SLC38A11: variants seen among roughly 807,000 people sequenced by gnomAD.
SLC38A11 encodes putative sodium-coupled neutral amino acid transporter 11.
A neutral mutation model predicts 49.4 loss-of-function variants in SLC38A11; 51 were observed. That is an observed-to-expected ratio of 1.03 (90% confidence interval 0.83 to 1.30). The LOEUF (loss-of-function observed/expected upper bound fraction) is 1.30. Ranked by LOEUF, SLC38A11 falls within the 50% of genes most tolerant of loss-of-function variation. The pLI is 0.00. For synonymous variants in SLC38A11, 203 were observed against 192.9 expected (o/e 1.05, Z -0.43); for missense variants, 574 against 556.2 (o/e 1.03, Z -0.32).
chr2:164,914,903 G>A (rs1222895264), intron 9 of SLC38A11, among the ~76,000 whole-genome samples: 2 of 151,968 alleles, frequency 1.3e-5, no homozygotes, highest in African/African-American at 4.8e-5. Context: ...TGTGGAAGGA[G>A]AGAGTATGGG....
In SLC38A11 at chr2:164,939,551, G is replaced by T; in HGVS notation, c.436C>A (p.Pro146Thr). The T allele has an allele frequency of 6.2e-7, 1 of 1,601,316 alleles. No individual in the cohort carries two copies. Among genetic ancestry groups the T allele is most frequent in the Non-Finnish European group, 8.5e-7 (1 of 1,170,082 alleles). Residue 146 changes from proline (P) to threonine (T), a missense_variant, in exon 6 of 12, where the codon CCT becomes ACT. By Grantham distance (38) the Pro-to-Thr change is conservative (BLOSUM62 -1). Transcript: ENST00000685975. ...TGGCGACCAATAAACACGTTTTCAGGATCAACTAAAACACAATAAATATTA... is the reference window on the plus strand; with the variant it reads ...TGGCGACCAATAAACACGTTTTCAGTATCAACTAAAACACAATAAATATTA... ...KVFQRIPGVD[P>T]ENVFIGRHFI...
At position 164,898,072 on chromosome 2, in the gene SLC38A11, C is replaced by CT. The variant is rs1299695846; in HGVS notation, c.*364_*365insA. ...GAAAATGCCCACCCCCCACACCCCC[C>CT]CACCAAAAGACATCTACACAAAATT... On this transcript the variant is annotated 3_prime_UTR_variant, in exon 12 of 12. Transcript: ENST00000685975. 6.6e-6 allele frequency: 1 copy of CT among 151,246 alleles called. No individual in the cohort carries two copies. The highest frequency in any genetic ancestry group is 2.0e-4 in the East Asian group (1 of 4,990). The allele number at this position is 151,246 out of a possible 1,614,324, so 9.4% of individuals were successfully genotyped here.
At chr2:164,923,010 C>T (rs1282069726) in intron 7 of SLC38A11, among the ~76,000 whole-genome samples, 1 of 152,316 alleles carries the variant, frequency 6.6e-6, no homozygotes, top group Non-Finnish European at 1.5e-5. Context: ...GCTGAGATAA[C>T]TGGCTAACCA....
chr2:164,945,502 T>C, intron 4 of SLC38A11, 91 bp downstream of exon 4: 1 of 1,222,104 alleles, frequency 8.2e-7, no homozygotes, highest in Non-Finnish European at 1.1e-6. Context: ...GCTATAGTGA[T>C]ATTCTTTAAT....
At position 164,946,929 on chromosome 2, in the gene SLC38A11, C is replaced by T. The variant is rs189354247; in HGVS notation, c.230-1202G>A. On this transcript the variant is annotated intron_variant, in intron 3 of 11. Coordinates refer to ENST00000685975, the MANE Select transcript of SLC38A11 (RefSeq NM_001351537.2). ...GATACTTCCTAGATCTTACTCTTAT[C>T]TGCTCTTTCGGAACACTGTTTCTCG... Among the ~76,000 whole-genome samples the T allele has an allele frequency of 3.1e-3, 473 of 152,174 alleles. 1 individual carries two copies. The highest frequency in any genetic ancestry group is 0.011 in the African/African-American group (448 of 41,506).
intron 10 of SLC38A11, among the ~76,000 whole-genome samples, chr2:164,911,058 T>G (rs1559092921): frequency 6.6e-6 from 1 of 151,924 alleles, no homozygotes; most frequent in Non-Finnish European, 1.5e-5. Flanking sequence ...TATGTATAGT[T>G]GTAAATATAC....
intron 10 of SLC38A11, among the ~76,000 whole-genome samples, 154 bp downstream of exon 10, chr2:164,911,482 T>G (rs1225829333): frequency 1.3e-5 from 2 of 152,072 alleles, no homozygotes; most frequent in African/African-American, 2.4e-5. Flanking sequence ...ATCTTTAAAC[T>G]CTGACATTTT....
At chr2:164,920,187 T>A (rs1454285918) in intron 7 of SLC38A11, among the ~76,000 whole-genome samples, 1 of 149,814 alleles carries the variant, frequency 6.7e-6, no homozygotes, top group Non-Finnish European at 1.5e-5. Flanking sequence ...GGCAGGAGAA[T>A]CACTTGAACC....
intron 7 of SLC38A11, among the ~76,000 whole-genome samples, chr2:164,935,880 C>G (rs1488564803): frequency 2.0e-5 from 3 of 151,880 alleles, no homozygotes; most frequent in Admixed American, 2.0e-4. Context: ...GGACTGGAGC[C>G]CTTATAAGAA....
intron 9 of SLC38A11, among the ~76,000 whole-genome samples, chr2:164,913,222 A>G (rs1245842242): frequency 6.6e-6 from 1 of 151,950 alleles, no homozygotes; most frequent in Admixed American, 6.6e-5. Context: ...CCTTTTGGGC[A>G]GGAGGGGATT....
intron 11 of SLC38A11, among the ~76,000 whole-genome samples, chr2:164,900,920 A>T (rs1197304199): frequency 1.3e-5 from 2 of 151,998 alleles, no homozygotes; most frequent in Non-Finnish European, 2.9e-5. Context: ...CTCTTCTAGG[A>T]ATTTTACAGT....
chr2:164,944,427 G>A (rs925793989), intron 5 of SLC38A11, 142 bp downstream of exon 5: 2 of 358,404 alleles, frequency 5.6e-6, no homozygotes, highest in Admixed American at 9.4e-5. Flanking sequence ...GATCAGAATG[G>A]ATCATGGATA....
chr2:164,938,002 C>T (rs964510352), intron 6 of SLC38A11, among the ~76,000 whole-genome samples: 1 of 151,840 alleles, frequency 6.6e-6, no homozygotes, highest in African/African-American at 2.4e-5. Context: ...CCTCTCTGTT[C>T]TGTCATTATA....
intron 11 of SLC38A11, among the ~76,000 whole-genome samples, chr2:164,902,989 A>G (rs539845841): frequency 9.9e-5 from 15 of 152,196 alleles, no homozygotes; most frequent in Non-Finnish European, 1.3e-4. Context: ...AAAATAAAAG[A>G]TTAGTTGTCA....
intron 7 of SLC38A11, among the ~76,000 whole-genome samples, chr2:164,923,220 A>T (rs1686335015): frequency 6.6e-6 from 1 of 152,222 alleles, no homozygotes; most frequent in Non-Finnish European, 1.5e-5. Context: ...AAAGACTGAC[A>T]AGTGGGACCT....
intron 7 of SLC38A11, among the ~76,000 whole-genome samples, chr2:164,930,135 T>A (rs566202343): frequency 6.6e-6 from 1 of 151,942 alleles, no homozygotes; most frequent in Admixed American, 6.6e-5. Flanking sequence ...TCCATGCACA[T>A]AAACTAGAAA....
rs1335447608 is a variant in SLC38A11 at position 164,934,286 on chromosome 2, A to C, written c.617+3064T>G. Among the ~76,000 whole-genome samples, 3 of 152,308 alleles carry C rather than the reference A, an allele frequency of 2.0e-5. No individual in the cohort carries two copies. In the East Asian group the frequency reaches 5.8e-4, roughly 29 times the overall value. ...ACTGAAAGAAACAAGCGGAGAATGC[A>C]TCATGAAAAATGATCACAAAACAGT... On this transcript the variant is annotated intron_variant, in intron 7 of 11. Transcript: ENST00000685975.
intron 8 of SLC38A11, 192 bp from the exon 9 acceptor site, chr2:164,915,465 G>T: frequency 1.9e-6 from 1 of 527,572 alleles, no homozygotes; most frequent in Non-Finnish European, 3.2e-6. Flanking sequence ...TCAGGCTTAT[G>T]TGGTCTTTTC....
At chr2:164,948,545 T>A (rs10205696) in intron 3 of SLC38A11, among the ~76,000 whole-genome samples, 1 of 152,024 alleles carries the variant, frequency 6.6e-6, no homozygotes, top group Non-Finnish European at 1.5e-5. Context: ...TCAGAATCCA[T>A]GAGCTTAATT....
Sources: allele counts gnomAD v4.1 joint callset (sites outside exome capture counted in the v4.1 genomes callset), GRCh38; gene constraint gnomAD v4.1.1; transcripts MANE v1.5; gene names NCBI Gene and HGNC (gene_info 2026-07-23, HGNC 2026-07-21).